Variants in SLIT3 observed in about 807,000 individuals in gnomAD.
The protein encoded by SLIT3 is slit guidance ligand 3.
In SLIT3, 68 loss-of-function variants were observed where a neutral mutation model predicts 184.0. That is an observed-to-expected ratio of 0.37 (90% CI 0.30 to 0.45). The LOEUF is 0.45. Among genes scored for constraint, SLIT3 ranks in the 20% least tolerant of loss-of-function variants. The pLI is 1.00. For missense variants in SLIT3, 1,707 were observed against 2,026.0 expected, an observed-to-expected ratio of 0.84 and a Z score of 3.02; for synonymous variants, 831 against 828.6, an observed-to-expected ratio of 1.00 and a Z score of -0.05.
At chr5:169,150,203 C>T (rs1248129134) in intron 4 of SLIT3, among the ~76,000 whole-genome samples, 1 of 152,130 alleles carries the variant, frequency 6.6e-6, no homozygotes, top group African/African-American at 2.4e-5. Flanking sequence ...TGAATCTGCT[C>T]CCCGCTCCAA....
Position 168,698,765 on chromosome 5 carries a change from C to T in SLIT3, c.2942+1817G>A, listed in dbSNP as rs145179173. Among the ~76,000 whole-genome samples the T allele has an allele frequency of 2.4e-3, 364 of 152,314 alleles. 1 individual carries two copies. Among genetic ancestry groups the T allele is most frequent in the African/African-American group, 8.2e-3 (340 of 41,572 alleles). ...TTCCCTATTCCTTGAGGACTGCATA[C>T]GAGCTCTCCCATCCCTAGTAACTGC... On this transcript the variant is annotated intron_variant, in intron 27 of 35. Transcript: ENST00000519560.
At chr5:169,208,077 G>A (rs542887664) in intron 3 of SLIT3, among the ~76,000 whole-genome samples, 3 of 151,878 alleles carry the variant, frequency 2.0e-5, no homozygotes, top group African/African-American at 7.2e-5. Flanking sequence ...GGCAAACAGG[G>A]AAGAAAAAAA....
chr5:168,896,345 C>T (rs1478595428), intron 4 of SLIT3, among the ~76,000 whole-genome samples: 2 of 152,110 alleles, frequency 1.3e-5, no homozygotes, highest in Non-Finnish European at 2.9e-5. Flanking sequence ...TAATGAATTT[C>T]GAGTTCATCA....
intron 23 of SLIT3, among the ~76,000 whole-genome samples, chr5:168,713,657 G>T (rs951214732): frequency 6.6e-6 from 1 of 152,096 alleles, no homozygotes; most frequent in African/African-American, 2.4e-5. Context: ...GAATGAATTT[G>T]CTCTTCTTCT....
chr5:169,272,550 C>A (rs980927206), intron 1 of SLIT3, among the ~76,000 whole-genome samples: 1 of 152,216 alleles, frequency 6.6e-6, no homozygotes, highest in Non-Finnish European at 1.5e-5. Flanking sequence ...CAGCACAGTG[C>A]CTTGCCCAGG....
intron 4 of SLIT3, among the ~76,000 whole-genome samples, chr5:169,181,295 C>T (rs1327392706): frequency 3.9e-5 from 6 of 152,120 alleles, no homozygotes; most frequent in African/African-American, 7.2e-5. Flanking sequence ...TGTGTGTGTG[C>T]GTGGTACGTT....
intron 4 of SLIT3, among the ~76,000 whole-genome samples, chr5:169,149,340 C>CTTTTTT (rs3038064): frequency 7.3e-5 from 10 of 137,914 alleles, no homozygotes; most frequent in South Asian, 2.4e-4. Context: ...ACAACATGGG[C>CTTTTTT]TTTTTTTTTT....
At chr5:169,170,434 A>G (rs376045449) in intron 4 of SLIT3, among the ~76,000 whole-genome samples, 162 of 152,318 alleles carry the variant, frequency 1.1e-3, no homozygotes, top group African/African-American at 3.8e-3. Context: ...CTGCCTCAGC[A>G]GCCAATTGTT....
chr5:168,772,725 C>T lies in SLIT3; in HGVS notation c.1459+56G>A, dbSNP rs1438914192. ...CCTCCAGATTGGATTATTGGCCTCT[C>T]TGGGGCTGCTGCATTCTGAGTCAGA... On this transcript the variant is annotated intron_variant, in intron 14 of 35. Coordinates refer to ENST00000519560, the MANE Select transcript of SLIT3 (RefSeq NM_003062.4). 1.9e-6 allele frequency: 3 copies of T among 1,602,352 alleles called. No homozygotes were observed. In the African/African-American group the frequency reaches 4.0e-5, roughly 21 times the overall value.
At chr5:169,165,436 C>T (rs372201562) in intron 4 of SLIT3, among the ~76,000 whole-genome samples, 2 of 152,288 alleles carry the variant, frequency 1.3e-5, no homozygotes, top group East Asian at 3.9e-4. Context: ...AACTTCACTG[C>T]CTAATCTGCT....
chr5:168,893,333 T>A (rs1001094321), intron 4 of SLIT3, among the ~76,000 whole-genome samples: 1 of 152,182 alleles, frequency 6.6e-6, no homozygotes, highest in Non-Finnish European at 1.5e-5. Flanking sequence ...ATACAATCTA[T>A]CCTCCTCTGA....
chr5:168,762,511 A>T, intron 15 of SLIT3, 28 bp downstream of exon 15: 1 of 1,606,986 alleles, frequency 6.2e-7, no homozygotes, highest in African/African-American at 1.3e-5. Context: ...GGGGAGGAGT[A>T]GGGAGTTCAC....
intron 4 of SLIT3, among the ~76,000 whole-genome samples, chr5:169,011,920 CA>C: frequency 6.9e-6 from 1 of 145,436 alleles, no homozygotes; most frequent in Admixed American, 6.8e-5. Context: ...TAGGGGACTT[CA>C]AAAACAGAGT....
chr5:169,058,979 C>T (rs1758094476), intron 4 of SLIT3, among the ~76,000 whole-genome samples: 1 of 152,172 alleles, frequency 6.6e-6, no homozygotes, highest in Non-Finnish European at 1.5e-5. Flanking sequence ...AAGGACGTTG[C>T]AGTGTCCAAA....
intron 4 of SLIT3, among the ~76,000 whole-genome samples, chr5:169,152,645 G>A (rs549657355): frequency 6.6e-6 from 1 of 152,148 alleles, no homozygotes; most frequent in East Asian, 1.9e-4. Context: ...CATGGTGAAC[G>A]TCAAGATCCT....
At chr5:169,172,406 C>T (rs1762845948) in intron 4 of SLIT3, among the ~76,000 whole-genome samples, 1 of 152,198 alleles carries the variant, frequency 6.6e-6, no homozygotes, top group Admixed American at 6.5e-5. Flanking sequence ...ATCCAAAACA[C>T]AGTCTATAGT....
chr5:168,894,324 C>A (rs1461557303), intron 4 of SLIT3, among the ~76,000 whole-genome samples: 1 of 152,138 alleles, frequency 6.6e-6, no homozygotes, highest in Non-Finnish European at 1.5e-5. Context: ...AGCATTTGCT[C>A]AGCATGAGGC....
At chr5:168,707,597 T>G (rs1580985492) in intron 26 of SLIT3, 1 of 177,570 alleles carries the variant, frequency 5.6e-6, no homozygotes, top group Non-Finnish European at 1.2e-5. Context: ...AGGGGCATGG[T>G]GGGGTGGAGG....
intron 3 of SLIT3, among the ~76,000 whole-genome samples, chr5:169,200,247 G>C (rs556977262): frequency 6.6e-6 from 1 of 152,330 alleles, no homozygotes; most frequent in Admixed American, 6.5e-5. Context: ...GCTGTGGGCT[G>C]TCAGCTGCCC....
Sources: allele counts gnomAD v4.1 joint callset (sites outside exome capture counted in the v4.1 genomes callset), GRCh38; gene constraint gnomAD v4.1.1; transcripts MANE v1.5; gene names NCBI Gene and HGNC (gene_info 2026-07-23, HGNC 2026-07-21).